The following FRMPD4 variants were observed in gnomAD, a reference collection of about 807,000 sequenced individuals.
The protein encoded by FRMPD4 is FERM and PDZ domain-containing protein 4.
A neutral mutation model predicts 94.1 loss-of-function variants in FRMPD4; 22 were observed. The observed-to-expected ratio is 0.23, with a 90% confidence interval of 0.17 to 0.33. The LOEUF (loss-of-function observed/expected upper bound fraction) is 0.33. Among genes scored for constraint, FRMPD4 ranks in the 10% least tolerant of loss-of-function variants. FRMPD4 has a pLI of 1.00. For missense variants in FRMPD4, 1,111 were observed against 1,339.9 expected, an observed-to-expected ratio of 0.83 and a Z score of 2.67; for synonymous variants, 631 against 548.6, an observed-to-expected ratio of 1.15 and a Z score of -2.10.
At chrX:12,688,273 C>T (rs1158505035) in intron 7 of FRMPD4, among the ~76,000 whole-genome samples, 1 of 111,948 alleles carries the variant, frequency 8.9e-6, no homozygotes, top group Non-Finnish European at 1.9e-5. Flanking sequence ...CCTACCCCAC[C>T]TGAAGACCGA....
chrX:12,400,553 A>C (rs2056596834), intron 1 of FRMPD4, among the ~76,000 whole-genome samples: 1 of 112,117 alleles, frequency 8.9e-6, no homozygotes, highest in Non-Finnish European at 1.9e-5. Flanking sequence ...GATTTTGAAA[A>C]TATTACTTTC....
chrX:12,044,684 C>G (rs187452796), intron 3 of FRMPD4, among the ~76,000 whole-genome samples: 15 of 111,819 alleles, frequency 1.3e-4, no homozygotes, highest in Non-Finnish European at 2.3e-4. Context: ...TCCCAACTAT[C>G]TAAGTCTTAG....
At chrX:12,646,657 A>G (rs2059550331) in intron 4 of FRMPD4, among the ~76,000 whole-genome samples, 1 of 112,006 alleles carries the variant, frequency 8.9e-6, no homozygotes, top group Non-Finnish European at 1.9e-5. Flanking sequence ...TACCTGCAGT[A>G]AGAAGGTATA....
chrX:12,006,360 T>C (rs2054554301), intron 3 of FRMPD4, among the ~76,000 whole-genome samples: 1 of 112,440 alleles, frequency 8.9e-6, no homozygotes, highest in Non-Finnish European at 1.9e-5. Flanking sequence ...TCATCTTATA[T>C]TGAAGAAGGG....
intron 3 of FRMPD4, among the ~76,000 whole-genome samples, chrX:12,071,161 C>G (rs192587652): frequency 6.4e-4 from 71 of 110,866 alleles, no homozygotes; most frequent in Middle Eastern, 4.6e-3. Context: ...GGGTGGTAAA[C>G]AGGCTTCCCT....
intron 1 of FRMPD4, among the ~76,000 whole-genome samples, chrX:12,230,808 A>G (rs1470994668): frequency 1.0e-5 from 1 of 97,790 alleles, no homozygotes; most frequent in Non-Finnish European, 2.0e-5. Context: ...CCAACACATC[A>G]CCCTCCCGTC....
intron 5 of FRMPD4, among the ~76,000 whole-genome samples, chrX:12,680,384 T>C (rs764495641): frequency 8.9e-5 from 10 of 112,544 alleles, no homozygotes; most frequent in Non-Finnish European, 1.5e-4. Context: ...ACACATTGTA[T>C]ATTTTTTGAA....
At chrX:12,367,957 A>G (rs1172542973) in intron 1 of FRMPD4, among the ~76,000 whole-genome samples, 1 of 112,225 alleles carries the variant, frequency 8.9e-6, no homozygotes, top group Non-Finnish European at 1.9e-5. Context: ...TCAGATCTCT[A>G]TCTAGGCTTA....
chrX:11,910,736 G>T (rs868017160), intron 3 of FRMPD4, among the ~76,000 whole-genome samples: 12 of 111,797 alleles, frequency 1.1e-4, no homozygotes, highest in African/African-American at 3.9e-4. Context: ...TTTTTAATAT[G>T]ATTTTCCAAC....
At chrX:12,688,918 G>C (rs748311133) in intron 7 of FRMPD4, among the ~76,000 whole-genome samples, 1 of 109,367 alleles carries the variant, frequency 9.1e-6, no homozygotes, top group Non-Finnish European at 1.9e-5. Context: ...AAAACTATAA[G>C]TTTTCACTCT....
intron 3 of FRMPD4, among the ~76,000 whole-genome samples, chrX:12,133,203 C>T (rs914939322): frequency 2.1e-5 from 2 of 94,445 alleles, no homozygotes; most frequent in South Asian, 1.1e-3. Context: ...CTTCTGGTTT[C>T]TAAAAATTTA....
chrX:12,052,716 A>G (rs2147452481), intron 3 of FRMPD4, among the ~76,000 whole-genome samples: 1 of 112,019 alleles, frequency 8.9e-6, no homozygotes, highest in South Asian at 3.8e-4. Flanking sequence ...CTCAAAAAAA[A>G]AAGTTTGACT....
intron 1 of FRMPD4, among the ~76,000 whole-genome samples, chrX:12,268,617 T>C (rs1397303724): frequency 1.8e-5 from 2 of 112,120 alleles, no homozygotes; most frequent in African/African-American, 6.5e-5. Flanking sequence ...GCATAGCCTA[T>C]AATGGCCTCT....
intron 1 of FRMPD4, among the ~76,000 whole-genome samples, chrX:12,490,862 G>A (rs187341944): frequency 9.0e-6 from 1 of 111,385 alleles, no homozygotes; most frequent in African/African-American, 3.3e-5. Context: ...TATCTGCAGA[G>A]TCTTCCCAAA....
chrX:11,960,096 T>C (rs1274578409), intron 3 of FRMPD4, among the ~76,000 whole-genome samples: 2 of 111,448 alleles, frequency 1.8e-5, no homozygotes, highest in East Asian at 5.6e-4. Context: ...AGCTGGGGTG[T>C]GTATCCCAGA....
chrX:12,185,889 T>C (rs2056418929), intron 1 of FRMPD4, among the ~76,000 whole-genome samples: 1 of 111,644 alleles, frequency 9.0e-6, no homozygotes, highest in African/African-American at 3.2e-5. Context: ...AAGAAATCAC[T>C]GCTGTCAAGT....
intron 4 of FRMPD4, among the ~76,000 whole-genome samples, chrX:12,621,962 A>AAGAAAG (rs1289503895): frequency 2.3e-5 from 2 of 85,174 alleles, no homozygotes; most frequent in Non-Finnish European, 4.4e-5. Context: ...GAGAGAAAGA[A>AAGAAAG]AGAAAGAGAA....
chrX:12,471,249 T>A (rs1436194626), intron 1 of FRMPD4, among the ~76,000 whole-genome samples: 1 of 111,836 alleles, frequency 8.9e-6, no homozygotes, highest in Non-Finnish European at 1.9e-5. Context: ...AGTGCTTGAG[T>A]GGTAGCCATT....
intron 1 of FRMPD4, among the ~76,000 whole-genome samples, chrX:12,312,113 G>A (rs189612693): frequency 1.4e-3 from 157 of 110,107 alleles, no homozygotes; most frequent in African/African-American, 4.8e-3. Context: ...TCATTTTCCA[G>A]TTCAATAATT....
Sources: gnomAD v4.1 joint callset for allele counts (sites outside exome capture counted in the v4.1 genomes callset) on GRCh38, gnomAD v4.1.1 for gene constraint, MANE v1.5 for transcripts, NCBI Gene and HGNC (gene_info 2026-07-23, HGNC 2026-07-21) for gene names.